Variants in SEMA3C observed in about 807,000 individuals in gnomAD.
The protein encoded by SEMA3C is semaphorin-3C.
Under a neutral mutation model 89.4 loss-of-function variants are expected in SEMA3C, and 47 were observed. The observed-to-expected ratio is 0.53, with a 90% confidence interval of 0.42 to 0.67. The LOEUF is 0.67. SEMA3C is among the 30% of genes least tolerant of loss of function. SEMA3C has a pLI of 0.00. For missense variants in SEMA3C, 839 were observed against 929.1 expected (o/e 0.90, Z 1.26); for synonymous variants, 310 against 320.2 (o/e 0.97, Z 0.34).
intron 2 of SEMA3C, among the ~76,000 whole-genome samples, chr7:80,882,141 C>T (rs1791358710): frequency 6.6e-6 from 1 of 152,130 alleles, no homozygotes. Flanking sequence ...GCTTATTGGT[C>T]ACTATAAATG....
chr7:80,808,322 T>G (rs1789388154), intron 6 of SEMA3C, among the ~76,000 whole-genome samples: 1 of 152,118 alleles, frequency 6.6e-6, no homozygotes, highest in African/African-American at 2.4e-5. Context: ...TATATTTAAT[T>G]ACTATCAAAC....
chr7:80,907,702 T>C (rs1792048125), intron 2 of SEMA3C, among the ~76,000 whole-genome samples: 1 of 152,140 alleles, frequency 6.6e-6, no homozygotes, highest in South Asian at 2.1e-4. Flanking sequence ...AACTAGACTG[T>C]TTAGAGAATA....
chr7:80,775,341 T>C (rs1315683536), intron 12 of SEMA3C, among the ~76,000 whole-genome samples: 3 of 152,006 alleles, frequency 2.0e-5, no homozygotes, highest in African/African-American at 4.8e-5. Context: ...TTTGAGAACA[T>C]GATAAAAGCT....
intron 2 of SEMA3C, among the ~76,000 whole-genome samples, chr7:80,832,937 T>A (rs1251474215): frequency 6.6e-6 from 1 of 152,184 alleles, no homozygotes; most frequent in East Asian, 1.9e-4. Context: ...CATCACGACT[T>A]TCTCACACTT....
chr7:80,911,169 C>G (rs1207484124), intron 2 of SEMA3C, among the ~76,000 whole-genome samples: 15 of 152,130 alleles, frequency 9.9e-5, no homozygotes, highest in Non-Finnish European at 5.9e-5. Context: ...ATGTAAAATT[C>G]TAGCATGACA....
At position 80,800,680 on chromosome 7, in the gene SEMA3C, G is replaced by T. The variant is rs140932714; in HGVS notation, c.986+77C>A. 1.0e-4 allele frequency: 94 copies of T among 905,168 alleles called. No individual in the cohort carries two copies. In the African/African-American group the frequency reaches 1.5e-3, roughly 14 times the overall value. 56.1% of individuals were successfully genotyped at this position (905,168 alleles called of 1,614,324 possible). A position where few individuals can be genotyped will look rare whatever the true frequency, so the allele number is the denominator to read the frequency against. On this transcript the variant is annotated intron_variant, in intron 10 of 17. Transcript: ENST00000265361. ...ATGTAAAATTAAAAGTTGCAGAGAAGAATGCTTTTATAATAATTACTGTTA... is the reference window on the plus strand; with the variant it reads ...ATGTAAAATTAAAAGTTGCAGAGAATAATGCTTTTATAATAATTACTGTTA...
rs71802410 is a variant in SEMA3C at position 80,881,164 on chromosome 7, AACACACAC to A, written c.103+35507_103+35514del. Among the ~76,000 whole-genome samples, 767 of 135,500 alleles carry A rather than the reference AACACACAC, an allele frequency of 5.7e-3. 7 individuals carry two copies. Among genetic ancestry groups the A allele is most frequent in the Middle Eastern group, 0.022 (6 of 272 alleles). 88.9% of individuals were successfully genotyped at this position (135,500 alleles called of 152,430 possible). Reference sequence around the variant, plus strand: ...GTTACTTTTGTTGCCTGGAGAAAGAAACACACACACACACACACACACACACACACACA... The same window carrying A: ...GTTACTTTTGTTGCCTGGAGAAAGAAACACACACACACACACACACACACA... On this transcript the variant is annotated intron_variant, in intron 2 of 17. Transcript: ENST00000265361.
chr7:80,883,847 C>T (rs1009935985), intron 2 of SEMA3C, among the ~76,000 whole-genome samples: 1 of 152,190 alleles, frequency 6.6e-6, no homozygotes, highest in African/African-American at 2.4e-5. Context: ...TTAATTAACT[C>T]ATAATTCACA....
intron 2 of SEMA3C, among the ~76,000 whole-genome samples, chr7:80,829,857 T>G (rs890182760): frequency 4.6e-5 from 7 of 152,206 alleles, no homozygotes; most frequent in Non-Finnish European, 1.0e-4. Flanking sequence ...TTGATTATAA[T>G]CTGAAGAATG....
chr7:80,886,216 T>C (rs1791472900), intron 2 of SEMA3C, among the ~76,000 whole-genome samples: 1 of 152,288 alleles, frequency 6.6e-6, no homozygotes, highest in East Asian at 1.9e-4. Context: ...TTTTTTTTAC[T>C]TTTAATTTCT....
At chr7:80,789,593 A>C in intron 11 of SEMA3C, 65 bp from the exon 12 acceptor site, 1 of 1,162,610 alleles carries the variant, frequency 8.6e-7, no homozygotes, top group South Asian at 1.6e-5. Context: ...AATAATCAAA[A>C]ACTCTCTACT....
intron 2 of SEMA3C, among the ~76,000 whole-genome samples, chr7:80,842,025 T>A (rs1048447635): frequency 6.6e-6 from 1 of 152,168 alleles, no homozygotes; most frequent in Non-Finnish European, 1.5e-5. Flanking sequence ...TTTCTCCTTT[T>A]TTCTTGTCTC....
rs73372922 is a variant in SEMA3C, at chr7:80,805,487, G to A, written c.658+152C>T. Reference sequence around the variant, plus strand: ...AGCTATTCAATTGTTTATTTTCCCCGAATATTTTAAATCATAGGGTACAGA... The same window carrying A: ...AGCTATTCAATTGTTTATTTTCCCCAAATATTTTAAATCATAGGGTACAGA... On this transcript the variant is annotated intron_variant, in intron 7 of 17. Coordinates refer to ENST00000265361, the MANE Select transcript of SEMA3C (RefSeq NM_006379.5). The A allele has an allele frequency of 9.6e-3, 5,056 of 524,344 alleles. 119 individuals are homozygous for A. Among genetic ancestry groups the A allele is most frequent in the African/African-American group, 0.054 (2,763 of 51,118 alleles). The allele number at this position is 524,344 out of a possible 1,614,324, so 32.5% of individuals were successfully genotyped here.
At chr7:80,833,391 G>A (rs1046731765) in intron 2 of SEMA3C, among the ~76,000 whole-genome samples, 1 of 151,974 alleles carries the variant, frequency 6.6e-6, no homozygotes, top group Non-Finnish European at 1.5e-5. Flanking sequence ...AACCTGGGAG[G>A]CGGAGGTTGC....
intron 12 of SEMA3C, among the ~76,000 whole-genome samples, chr7:80,787,283 T>G (rs1788825680): frequency 6.6e-6 from 1 of 151,066 alleles, no homozygotes; most frequent in Non-Finnish European, 1.5e-5. Context: ...TCCCAGCAAC[T>G]TGGGAGGCTG....
At chr7:80,907,456 G>A (rs1009264944) in intron 2 of SEMA3C, among the ~76,000 whole-genome samples, 2 of 151,958 alleles carry the variant, frequency 1.3e-5, no homozygotes, top group Non-Finnish European at 2.9e-5. Context: ...GGAATGTTTT[G>A]AGCATTACTG....
At chr7:80,826,189 C>A (rs1360036679) in intron 4 of SEMA3C, among the ~76,000 whole-genome samples, 2 of 152,068 alleles carry the variant, frequency 1.3e-5, no homozygotes, top group African/African-American at 4.8e-5. Flanking sequence ...TCCTCAATCC[C>A]ATATTTCCAC....
chr7:80,869,573 G>A (rs192525164), intron 2 of SEMA3C, among the ~76,000 whole-genome samples: 18 of 152,258 alleles, frequency 1.2e-4, no homozygotes, highest in Admixed American at 2.6e-4. Flanking sequence ...CATATTTATT[G>A]ATATTCTCCA....
At chr7:80,877,240 C>T (rs1320051720) in intron 2 of SEMA3C, among the ~76,000 whole-genome samples, 1 of 152,188 alleles carries the variant, frequency 6.6e-6, no homozygotes, top group Non-Finnish European at 1.5e-5. Context: ...TCACAGGAAA[C>T]ATGCATACAT....
Sources: allele counts gnomAD v4.1 joint callset (sites outside exome capture counted in the v4.1 genomes callset), GRCh38; gene constraint gnomAD v4.1.1; transcripts MANE v1.5; gene names NCBI Gene and HGNC (gene_info 2026-07-23, HGNC 2026-07-21).